The following SHANK2 variants were observed in gnomAD, a reference collection of about 807,000 sequenced individuals.
The protein encoded by SHANK2 is SH3 and multiple ankyrin repeat domains protein 2.
A neutral mutation model predicts 133.7 loss-of-function variants in SHANK2; 43 were observed. That is an observed-to-expected ratio of 0.32 (90% confidence interval 0.25 to 0.41). SHANK2 has a LOEUF of 0.41. Among genes scored for constraint, SHANK2 ranks in the 10% least tolerant of loss-of-function variants. The pLI is 1.00. For synonymous variants in SHANK2, 1,017 were observed against 952.8 expected, an observed-to-expected ratio of 1.07 and a Z score of -1.24; for missense variants, 1,994 against 2,235.8, an observed-to-expected ratio of 0.89 and a Z score of 2.18.
intron 8 of SHANK2, among the ~76,000 whole-genome samples, chr11:71,075,971 A>G (rs1951213109): frequency 6.6e-6 from 1 of 152,148 alleles, no homozygotes; most frequent in African/African-American, 2.4e-5. Flanking sequence ...ACCTATGTGC[A>G]CCCTCATCTG....
intron 14 of SHANK2, among the ~76,000 whole-genome samples, chr11:70,724,055 A>G (rs1239191509): frequency 7.4e-6 from 1 of 134,824 alleles, no homozygotes; most frequent in Non-Finnish European, 1.6e-5. Flanking sequence ...TTTTTTTTTG[A>G]GATGGAGTCT....
In SHANK2 at chr11:70,710,817, C is replaced by T. The variant is rs548754305; in HGVS notation, c.1778-12054G>A. On this transcript the variant is annotated intron_variant, in intron 14 of 25. Transcript: ENST00000601538. ...GAGAGCCTGGGCAGAGAACCCAGTCCAGCTGCCTGACTTTGGACTCACAGA... is the reference window on the plus strand; with the variant it reads ...GAGAGCCTGGGCAGAGAACCCAGTCTAGCTGCCTGACTTTGGACTCACAGA... 1.6e-4 allele frequency among the ~76,000 whole-genome samples: 24 copies of T among 152,338 alleles called. No individual in the cohort carries two copies. In the South Asian group the frequency reaches 4.6e-3, roughly 29 times the overall value.
intron 17 of SHANK2, among the ~76,000 whole-genome samples, chr11:70,547,640 G>A (rs1554976635): frequency 2.0e-5 from 3 of 152,334 alleles, no homozygotes; most frequent in East Asian, 1.9e-4. Flanking sequence ...GCTGGACAGC[G>A]TGTCTGAGTA....
intron 10 of SHANK2, among the ~76,000 whole-genome samples, chr11:70,906,229 A>C (rs782680089): frequency 6.6e-6 from 1 of 152,190 alleles, no homozygotes; most frequent in Non-Finnish European, 1.5e-5. Context: ...CTTCCTGCTC[A>C]GGGCTGGGAC....
intron 1 of SHANK2, among the ~76,000 whole-genome samples, chr11:71,229,025 A>T (rs1954691232): frequency 1.3e-5 from 2 of 152,232 alleles, no homozygotes; most frequent in Non-Finnish European, 2.9e-5. Flanking sequence ...AAAAGCATTT[A>T]ACAAAATTCA....
At chr11:70,527,685 C>T (rs2059417045) in intron 17 of SHANK2, among the ~76,000 whole-genome samples, 1 of 152,222 alleles carries the variant, frequency 6.6e-6, no homozygotes, top group Non-Finnish European at 1.5e-5. Context: ...TCTGGCCATT[C>T]ATGTGGCCTC....
chr11:71,203,047 C>T (rs944663338), intron 2 of SHANK2, among the ~76,000 whole-genome samples: 2 of 152,184 alleles, frequency 1.3e-5, no homozygotes, highest in Non-Finnish European at 2.9e-5. Flanking sequence ...GGACTGTACA[C>T]ACAGGCATGC....
chr11:70,675,499 A>G (rs934866658), intron 15 of SHANK2, among the ~76,000 whole-genome samples: 12 of 152,216 alleles, frequency 7.9e-5, no homozygotes, highest in Admixed American at 2.0e-4. Context: ...CGATAGTGAT[A>G]CTGAAGCACT....
chr11:70,521,029 C>G (rs1371208722), intron 17 of SHANK2, among the ~76,000 whole-genome samples: 2 of 152,190 alleles, frequency 1.3e-5, no homozygotes, highest in Non-Finnish European at 2.9e-5. Context: ...GCTCCTGAGC[C>G]CATCACATGT....
chr11:70,573,123 A>ACCAACC (rs1200453287), intron 17 of SHANK2, among the ~76,000 whole-genome samples: 7 of 152,146 alleles, frequency 4.6e-5, no homozygotes, highest in Non-Finnish European at 8.8e-5. Flanking sequence ...CCTGAGAGGA[A>ACCAACC]CCAACCCAAA....
In SHANK2 at chr11:70,900,622, C is replaced by T. The variant is rs991924262; in HGVS notation, c.1108-4055G>A. On this transcript the variant is annotated intron_variant, in intron 10 of 25. Coordinates refer to ENST00000601538, the MANE Select transcript of SHANK2 (RefSeq NM_012309.5). Reference sequence around the variant, plus strand: ...TAGGAGCTTAAGCCCAGGCACCTCCCTGCTGGTCTAAAGGACTCAACTCAC... The same window carrying T: ...TAGGAGCTTAAGCCCAGGCACCTCCTTGCTGGTCTAAAGGACTCAACTCAC... 2.0e-5 allele frequency among the ~76,000 whole-genome samples: 3 copies of T among 152,314 alleles called. No homozygotes were observed. The East Asian group carries it at 5.8e-4, about 29-fold the overall frequency.
chr11:70,568,291 T>C (rs1554982338), intron 17 of SHANK2, among the ~76,000 whole-genome samples: 1 of 152,116 alleles, frequency 6.6e-6, no homozygotes, highest in Non-Finnish European at 1.5e-5. Context: ...TCACTTCCTC[T>C]TCGAAACCGC....
At chr11:70,673,224 T>C (rs1555016490) in intron 15 of SHANK2, among the ~76,000 whole-genome samples, 1 of 151,854 alleles carries the variant, frequency 6.6e-6, no homozygotes, top group Non-Finnish European at 1.5e-5. Context: ...CCAGGGCACA[T>C]GCCTCCACTA....
rs1438063236 is a variant in SHANK2 at position 71,071,090 on chromosome 11, C to T, written c.1029+4069G>A. ...TTCAAGTGACAAAAAACAGACTTTT[C>T]TTGAGTTTTCAAGATAAAATGTGCT... is the stretch of plus-strand genomic sequence containing the variant. On this transcript the variant is annotated intron_variant, in intron 9 of 25. Coordinates refer to ENST00000601538, the MANE Select transcript of SHANK2 (RefSeq NM_012309.5). Among the ~76,000 whole-genome samples the T allele has an allele frequency of 5.3e-5, 8 of 152,314 alleles. No homozygotes were observed. In the East Asian group the frequency reaches 1.5e-3, roughly 29 times the overall value.
chr11:70,809,616 T>C (rs1565332005), intron 12 of SHANK2, among the ~76,000 whole-genome samples: 1 of 152,216 alleles, frequency 6.6e-6, no homozygotes, highest in Non-Finnish European at 1.5e-5. Context: ...ACCTTACCCA[T>C]GTCAACGTGT....
At chr11:70,669,914 G>C (rs1160828064) in intron 15 of SHANK2, among the ~76,000 whole-genome samples, 4 of 152,236 alleles carry the variant, frequency 2.6e-5, no homozygotes, top group Non-Finnish European at 5.9e-5. Flanking sequence ...GGCCAAACAA[G>C]TTCAAAGGCG....
intron 11 of SHANK2, among the ~76,000 whole-genome samples, chr11:70,883,581 G>T (rs1949691244): frequency 6.6e-6 from 1 of 152,172 alleles, no homozygotes; most frequent in South Asian, 2.1e-4. Flanking sequence ...CTGGGAAAGG[G>T]GGCAGAGGCC....
At chr11:70,911,515 T>C (rs4409861) in intron 10 of SHANK2, among the ~76,000 whole-genome samples, 30,370 of 152,090 alleles carry the variant, frequency 0.2, 3,182 homozygotes, top group Middle Eastern at 0.29. Context: ...GTGTGTGAAG[T>C]AGGTGGTTTT....
intron 11 of SHANK2, among the ~76,000 whole-genome samples, chr11:70,829,887 C>T (rs528239365): frequency 3.9e-4 from 60 of 152,300 alleles, no homozygotes; most frequent in African/African-American, 1.4e-3. Flanking sequence ...GAAATCCTGC[C>T]AAGGGAGTTG....
Sources: allele counts gnomAD v4.1 joint callset (sites outside exome capture counted in the v4.1 genomes callset), GRCh38; gene constraint gnomAD v4.1.1; transcripts MANE v1.5; gene names NCBI Gene and HGNC (gene_info 2026-07-23, HGNC 2026-07-21).